CENPH: variants seen among roughly 807,000 people sequenced by gnomAD.
CENPH encodes centromere protein H.
A neutral mutation model predicts 42.9 loss-of-function variants in CENPH; 40 were observed. That is an observed-to-expected ratio of 0.93 (90% CI 0.72 to 1.21). The LOEUF (loss-of-function observed/expected upper bound fraction) is 1.21. Among genes scored for constraint, CENPH ranks in the 50% most tolerant of loss-of-function variants. The pLI is 0.00. For synonymous variants in CENPH, 88 were observed against 96.5 expected (o/e 0.91, Z 0.52); for missense variants, 302 against 292.9 (o/e 1.03, Z -0.23).
At chr5:69,192,710 A>C (rs976624678) in intron 2 of CENPH, among the ~76,000 whole-genome samples, 1 of 152,140 alleles carries the variant, frequency 6.6e-6, no homozygotes, top group Non-Finnish European at 1.5e-5. Context: ...CAAGTGATTG[A>C]GTGATTGTAC....
At position 69,191,829 on chromosome 5, in the gene CENPH, TATAA is replaced by T; in HGVS notation, c.172_175del (p.Lys58GlnfsTer34). ...ACAGACAAAACAACAACTCTTAGAA[TATAA>T]ATCAATGGTTGATGCAAGTAAGTAT... On this transcript the variant is annotated frameshift_variant, in exon 2 of 9. Coordinates refer to ENST00000283006, the MANE Select transcript of CENPH (RefSeq NM_022909.4). LOFTEE classifies it high-confidence loss of function. The T allele has an allele frequency of 6.5e-7, 1 of 1,546,398 alleles. No individual in the cohort carries two copies. The highest frequency in any genetic ancestry group is 8.9e-7 in the Non-Finnish European group (1 of 1,119,696).
intron 4 of CENPH, among the ~76,000 whole-genome samples, chr5:69,196,171 A>C (rs1007669943): frequency 5.3e-5 from 8 of 152,036 alleles, no homozygotes; most frequent in Non-Finnish European, 1.0e-4. Context: ...TCCTAGGCTC[A>C]GGCGATCTTC....
intron 2 of CENPH, among the ~76,000 whole-genome samples, chr5:69,192,290 A>G (rs1747890166): frequency 6.6e-6 from 1 of 152,210 alleles, no homozygotes; most frequent in Non-Finnish European, 1.5e-5. Context: ...TTTCATAGGG[A>G]TGGCTTCTCT....
intron 5 of CENPH, among the ~76,000 whole-genome samples, chr5:69,197,745 A>G (rs1272971524): frequency 6.6e-6 from 1 of 151,988 alleles, no homozygotes; most frequent in Non-Finnish European, 1.5e-5. Context: ...TGGCACATGT[A>G]TACATATGTA....
chr5:69,201,926 C>CAAT (rs2112090441), intron 5 of CENPH, among the ~76,000 whole-genome samples: 1 of 152,228 alleles, frequency 6.6e-6, no homozygotes, highest in Admixed American at 6.5e-5. Flanking sequence ...CTTTGGGTAA[C>CAAT]AATGATGTGT....
intron 7 of CENPH, 127 bp downstream of exon 7, chr5:69,203,097 A>T: frequency 1.5e-6 from 1 of 676,114 alleles, no homozygotes; most frequent in Non-Finnish European, 2.6e-6. Context: ...AATTTTTGAC[A>T]TGGCAACTTA....
intron 7 of CENPH, among the ~76,000 whole-genome samples, chr5:69,203,294 A>G (rs1040216924): frequency 6.6e-6 from 1 of 152,040 alleles, no homozygotes; most frequent in African/African-American, 2.4e-5. Flanking sequence ...AGCCTCCTGA[A>G]TAGCTGGAAC....
chr5:69,199,387 C>T (rs1748020761), intron 5 of CENPH, among the ~76,000 whole-genome samples: 1 of 152,178 alleles, frequency 6.6e-6, no homozygotes, highest in East Asian at 1.9e-4. Context: ...GTTGCCCAGG[C>T]TGGTCGCGAA....
intron 5 of CENPH, among the ~76,000 whole-genome samples, chr5:69,200,124 A>C (rs557202921): frequency 8.7e-4 from 132 of 151,938 alleles, no homozygotes; most frequent in African/African-American, 2.8e-3. Flanking sequence ...AAAAAAAAAA[A>C]AAAAAAAAAC....
intron 7 of CENPH, among the ~76,000 whole-genome samples, chr5:69,207,185 A>T (rs1055109205): frequency 6.6e-5 from 10 of 151,796 alleles, no homozygotes; most frequent in African/African-American, 2.4e-4. Context: ...GGAGAGGGGA[A>T]TCTTACTTTT....
At chr5:69,200,953 G>A (rs1976103) in intron 5 of CENPH, among the ~76,000 whole-genome samples, 89,504 of 150,294 alleles carry the variant, frequency 0.6, 27,171 homozygotes, top group African/African-American at 0.71. Context: ...GGCCAGGCTA[G>A]TCTCGAGCTT....
At chr5:69,191,098 T>G (rs1223419538) in intron 1 of CENPH, among the ~76,000 whole-genome samples, 3 of 152,242 alleles carry the variant, frequency 2.0e-5, no homozygotes, top group African/African-American at 7.2e-5. Context: ...AGGATTAGTA[T>G]CTTTGTTATT....
intron 5 of CENPH, among the ~76,000 whole-genome samples, chr5:69,199,017 G>A (rs567187062): frequency 6.6e-6 from 1 of 152,202 alleles, no homozygotes; most frequent in South Asian, 2.1e-4. Flanking sequence ...TCATCACATT[G>A]TTACTGAAAT....
Position 69,189,702 on chromosome 5 carries a change from G to T in CENPH, c.68G>T (p.Gly23Val). 1 of 1,575,834 alleles carries T rather than the reference G, an allele frequency of 6.3e-7. No homozygotes were observed. The highest frequency in any genetic ancestry group is 1.3e-5 in the African/African-American group (1 of 74,222). ...GACTCCGGAGGGGAAGGCCGGGCAG[G>T]CGGGCCACCGCAGGTCGCCGGCGCC... ...PADSGGEGRA[G>V]GPPQVAGAQA... Residue 23 changes from glycine (G) to valine (V), a missense_variant, in exon 1 of 9, where the codon GGC becomes GTC. Physicochemically the swap from Gly to Val is moderately radical, Grantham distance 109. Transcript: ENST00000283006.
chr5:69,206,644 G>A (rs908193688), intron 7 of CENPH, among the ~76,000 whole-genome samples: 1 of 151,722 alleles, frequency 6.6e-6, no homozygotes, highest in South Asian at 2.1e-4. Context: ...GATTACAGGC[G>A]CCTGCCACCA....
At chr5:69,208,969 GT>G (rs11306450) in intron 8 of CENPH, among the ~76,000 whole-genome samples, 67,243 of 150,598 alleles carry the variant, frequency 0.45, 15,044 homozygotes, top group South Asian at 0.56. Flanking sequence ...TAATTTTTGT[GT>G]TTTTTGGTAG....
In CENPH at chr5:69,189,583, C is replaced by G. The variant is rs370130299; in HGVS notation, c.-52C>G. ...TCCATTTAGTGGCGGGAAAAGCGAC[C>G]TTTTCTGAGCGCGTTTGCCTGTTGA... On this transcript the variant is annotated 5_prime_UTR_variant, in exon 1 of 9. Coordinates refer to ENST00000283006, the MANE Select transcript of CENPH (RefSeq NM_022909.4). 4.7e-6 allele frequency: 7 copies of G among 1,504,326 alleles called. No homozygotes were observed. The highest frequency in any genetic ancestry group is 5.1e-5 in the East Asian group (2 of 39,086). The allele number at this position is 1,504,326 out of a possible 1,614,324, so 93.2% of individuals were successfully genotyped here.
At position 69,200,518 on chromosome 5, in the gene CENPH, A is replaced by G. The variant is rs144037393; in HGVS notation, c.372-1988A>G. Among the ~76,000 whole-genome samples the G allele has an allele frequency of 7.9e-5, 12 of 152,200 alleles. No homozygotes were observed. In the East Asian group the frequency reaches 1.9e-3, roughly 24 times the overall value. On this transcript the variant is annotated intron_variant, in intron 5 of 8. Transcript: ENST00000283006. ...ACTTGTTAGATTTTAATATGCCTAAATTTATCTTTTAAGACAACCAAATAT... is the reference window on the plus strand; with the variant it reads ...ACTTGTTAGATTTTAATATGCCTAAGTTTATCTTTTAAGACAACCAAATAT...
At position 69,191,782 on chromosome 5, in the gene CENPH, T is replaced by C; in HGVS notation, c.135-13T>C. 6.7e-7 allele frequency: 1 copy of C among 1,495,240 alleles called. No homozygotes were observed. The highest frequency in any genetic ancestry group is 1.1e-5 in the South Asian group (1 of 88,246). 92.6% of individuals were successfully genotyped at this position (1,495,240 alleles called of 1,614,324 possible). A position where few individuals can be genotyped will look rare whatever the true frequency, so the allele number is the denominator to read the frequency against. Reference sequence around the variant, plus strand: ...TAAATATGTGACTTTATATTCTCTTTATCTGTTTTCAGGCTGAGAGCACAG... The same window carrying C: ...TAAATATGTGACTTTATATTCTCTTCATCTGTTTTCAGGCTGAGAGCACAG... On this transcript the variant is annotated splice_polypyrimidine_tract_variant and intron_variant, in intron 1 of 8. Transcript: ENST00000283006.
Sources: allele counts gnomAD v4.1 joint callset (sites outside exome capture counted in the v4.1 genomes callset), GRCh38; gene constraint gnomAD v4.1.1; transcripts MANE v1.5; gene names NCBI Gene and HGNC (gene_info 2026-07-23, HGNC 2026-07-21).